Variants in FAM168A observed in about 807,000 individuals in gnomAD.
The protein encoded by FAM168A is family with sequence similarity 168 member A, also known as protein FAM168A.
Under a neutral mutation model 28.5 loss-of-function variants are expected in FAM168A, and 3 were observed. The ratio of observed to expected loss-of-function variants is 0.11; its 90% confidence interval spans 0.05 to 0.27. The LOEUF is 0.27. Among genes scored for constraint, FAM168A ranks in the 10% least tolerant of loss-of-function variants. The probability of loss-of-function intolerance (pLI) is 1.00; values close to 1 mark genes in which losing one functional copy is unlikely to be tolerated. For missense variants in FAM168A, 222 were observed against 311.5 expected, an observed-to-expected ratio of 0.71 and a Z score of 2.16; for synonymous variants, 122 against 124.2, an observed-to-expected ratio of 0.98 and a Z score of 0.12.
chr11:73,580,157 A>C, intron 1 of FAM168A: 3 of 368,400 alleles, frequency 8.1e-6, no homozygotes, highest in Non-Finnish European at 1.6e-5. Context: ...AACCAGAAGA[A>C]GAGGTGAGAA....
Position 73,538,783 on chromosome 11 carries a change from C to G in FAM168A, c.-19+59140G>C, listed in dbSNP as rs56262837. On this transcript the variant is annotated intron_variant, in intron 1 of 7. Coordinates refer to ENST00000356467, the MANE Select transcript of FAM168A (RefSeq NM_015159.3). ...AGGTGACAAAGAGTGTCTTCATTGTCATGGCTTGCCCTCTAAACAGAGCGT... is the reference window on the plus strand; with the variant it reads ...AGGTGACAAAGAGTGTCTTCATTGTGATGGCTTGCCCTCTAAACAGAGCGT... 2.0e-5 allele frequency among the ~76,000 whole-genome samples: 3 copies of G among 152,104 alleles called. No individual in the cohort carries two copies. In the East Asian group the frequency reaches 5.8e-4, roughly 29 times the overall value.
intron 1 of FAM168A, among the ~76,000 whole-genome samples, chr11:73,483,142 T>C (rs1252194191): frequency 6.6e-6 from 1 of 152,236 alleles, no homozygotes; most frequent in Non-Finnish European, 1.5e-5. Flanking sequence ...TCCAAGAATG[T>C]TGGAAAAATT....
chr11:73,529,027 T>A (rs780741747), intron 1 of FAM168A, among the ~76,000 whole-genome samples: 2 of 152,136 alleles, frequency 1.3e-5, no homozygotes, highest in African/African-American at 4.8e-5. Flanking sequence ...TGCTGCTAGG[T>A]AGCAACTGTT....
At chr11:73,411,341 C>G in intron 5 of FAM168A, 53 bp downstream of exon 5, 1 of 1,536,588 alleles carries the variant, frequency 6.5e-7, no homozygotes, top group East Asian at 2.3e-5. Context: ...CACACTGCAC[C>G]CAGGCTGAAG....
intron 1 of FAM168A, among the ~76,000 whole-genome samples, chr11:73,554,653 A>G (rs1943869046): frequency 6.6e-6 from 1 of 152,244 alleles, no homozygotes; most frequent in Admixed American, 6.5e-5. Flanking sequence ...AATTAAGATC[A>G]TTAGAATCTC....
intron 1 of FAM168A, among the ~76,000 whole-genome samples, chr11:73,496,663 C>T (rs1017738281): frequency 6.6e-6 from 1 of 152,176 alleles, no homozygotes; most frequent in African/African-American, 2.4e-5. Flanking sequence ...CGCGTTCACG[C>T]CATTCTCCTG....
intron 1 of FAM168A, among the ~76,000 whole-genome samples, chr11:73,571,239 C>CTCG (rs1368113374): frequency 1.9e-4 from 20 of 106,034 alleles, no homozygotes; most frequent in African/African-American, 7.9e-4. Flanking sequence ...CCCCCTCCCC[C>CTCG]CCCCCTCCCC....
intron 1 of FAM168A, among the ~76,000 whole-genome samples, chr11:73,552,558 G>T (rs920698465): frequency 1.3e-5 from 2 of 152,206 alleles, no homozygotes; most frequent in Non-Finnish European, 2.9e-5. Flanking sequence ...ATGTTTCATA[G>T]TGAACTACAG....
At chr11:73,498,056 C>A (rs968438049) in intron 1 of FAM168A, among the ~76,000 whole-genome samples, 3 of 152,158 alleles carry the variant, frequency 2.0e-5, no homozygotes, top group Non-Finnish European at 4.4e-5. Flanking sequence ...AACACCCCTG[C>A]CCTCAAAAAG....
chr11:73,515,621 G>A (rs1455787922), intron 1 of FAM168A, among the ~76,000 whole-genome samples: 1 of 151,538 alleles, frequency 6.6e-6, no homozygotes, highest in Non-Finnish European at 1.5e-5. Flanking sequence ...AATTTCTAGG[G>A]GAGATATAAA....
At chr11:73,432,579 C>T (rs2134514131) in intron 2 of FAM168A, among the ~76,000 whole-genome samples, 1 of 152,188 alleles carries the variant, frequency 6.6e-6, no homozygotes, top group South Asian at 2.1e-4. Flanking sequence ...TGTATATCCT[C>T]TCTGGAGAAA....
chr11:73,589,071 G>A (rs750711335), intron 1 of FAM168A, among the ~76,000 whole-genome samples: 7 of 152,060 alleles, frequency 4.6e-5, no homozygotes, highest in South Asian at 2.1e-4. Flanking sequence ...GCAACACTGC[G>A]AAAAAATAAA....
intron 2 of FAM168A, 86 bp downstream of exon 2, chr11:73,468,319 G>A (rs1247579441): frequency 1.6e-6 from 2 of 1,258,490 alleles, no homozygotes; most frequent in African/African-American, 3.0e-5. Context: ...GACTTTTGGA[G>A]GTATACGTTA....
At chr11:73,575,892 G>C (rs1490403861) in intron 1 of FAM168A, among the ~76,000 whole-genome samples, 2 of 151,884 alleles carry the variant, frequency 1.3e-5, no homozygotes, top group African/African-American at 4.8e-5. Flanking sequence ...TAGACATAAT[G>C]TAAGTAAAAC....
At position 73,402,733 on chromosome 11, in the gene FAM168A, T is replaced by C. The variant is rs1029081075; in HGVS notation, c.*4030A>G. 6.6e-6 allele frequency: 1 copy of C among 152,244 alleles called. No individual in the cohort carries two copies. Among genetic ancestry groups the C allele is most frequent in the Non-Finnish European group, 1.5e-5 (1 of 68,056 alleles). The allele number at this position is 152,244 out of a possible 1,614,324, so 9.4% of individuals were successfully genotyped here. The stretch of plus-strand genomic sequence containing the variant: ...AGATGCCTCGTGCTGTCCTTGAACA[T>C]GTCTTCGGTCCTGGGCATTGTGACC... On this transcript the variant is annotated 3_prime_UTR_variant, in exon 8 of 8. Coordinates refer to ENST00000356467, the MANE Select transcript of FAM168A (RefSeq NM_015159.3).
intron 4 of FAM168A, among the ~76,000 whole-genome samples, 200 bp from the exon 5 acceptor site, chr11:73,411,736 C>T (rs1350714995): frequency 6.6e-6 from 1 of 152,106 alleles, no homozygotes; most frequent in Non-Finnish European, 1.5e-5. Context: ...GTGCACAGGG[C>T]TGCATGGATG....
chr11:73,473,442 A>G (rs1386369236), intron 1 of FAM168A, among the ~76,000 whole-genome samples: 1 of 152,178 alleles, frequency 6.6e-6, no homozygotes, highest in Non-Finnish European at 1.5e-5. Context: ...GAGGCAGTTC[A>G]TATCTACCAC....
At chr11:73,500,256 CTTT>C (rs57040993) in intron 1 of FAM168A, among the ~76,000 whole-genome samples, 4 of 122,576 alleles carry the variant, frequency 3.3e-5, no homozygotes, top group Admixed American at 8.4e-5. Flanking sequence ...CCCAGAATTC[CTTT>C]TTTTTTTTTT....
intron 1 of FAM168A, among the ~76,000 whole-genome samples, chr11:73,582,835 C>A (rs1194926899): frequency 6.6e-6 from 1 of 152,164 alleles, no homozygotes; most frequent in African/African-American, 2.4e-5. Context: ...TCCAGGGATC[C>A]GTCATAAATC....
Sources: gnomAD v4.1 joint callset for allele counts (sites outside exome capture counted in the v4.1 genomes callset) on GRCh38, gnomAD v4.1.1 for gene constraint, MANE v1.5 for transcripts, NCBI Gene and HGNC (gene_info 2026-07-23, HGNC 2026-07-21) for gene names.